MIPOL1: variants seen among roughly 807,000 people sequenced by gnomAD.
MIPOL1 encodes mirror-image polydactyly 1.
MIPOL1 carries 57 observed loss-of-function variants against 60.9 expected under a neutral mutation model. The ratio of observed to expected loss-of-function variants is 0.94; its 90% CI spans 0.76 to 1.17. MIPOL1 has a LOEUF of 1.17. MIPOL1 is among the 50% of genes most tolerant of loss of function. The pLI is 0.00. For synonymous variants in MIPOL1, 179 were observed against 168.8 expected (o/e 1.06, Z -0.47); for missense variants, 551 against 511.6 (o/e 1.08, Z -0.74).
At chr14:37,375,901 C>A (rs1385641743) in intron 10 of MIPOL1, among the ~76,000 whole-genome samples, 2 of 152,000 alleles carry the variant, frequency 1.3e-5, no homozygotes. Flanking sequence ...CACCATATCT[C>A]CATTTTTTTT....
intron 9 of MIPOL1, among the ~76,000 whole-genome samples, chr14:37,350,121 G>A (rs765488226): frequency 6.6e-5 from 10 of 152,102 alleles, no homozygotes; most frequent in Non-Finnish European, 1.2e-4. Flanking sequence ...GACTAAGCTG[G>A]AATGCCATGG....
In MIPOL1 at chr14:37,514,769, G is replaced by A. The variant is rs143352495; in HGVS notation, c.1262+14631G>A. 4.7e-3 allele frequency among the ~76,000 whole-genome samples: 718 copies of A among 152,148 alleles called. 5 individuals are homozygous for A. The highest frequency in any genetic ancestry group is 0.016 in the African/African-American group (680 of 41,518). Reference sequence around the variant, plus strand: ...CCCCAGCAGCTGGGATTACAGGCATGTGCTACCATGCCTGGCTAATTTTGT... The same window carrying A: ...CCCCAGCAGCTGGGATTACAGGCATATGCTACCATGCCTGGCTAATTTTGT... On this transcript the variant is annotated intron_variant, in intron 12 of 12. Coordinates refer to ENST00000684589, the MANE Select transcript of MIPOL1 (RefSeq NM_001388067.1).
intron 1 of MIPOL1, among the ~76,000 whole-genome samples, chr14:37,240,940 T>TACACACAC (rs10554089): frequency 6.2e-5 from 9 of 146,088 alleles, no homozygotes; most frequent in African/African-American, 1.7e-4. Flanking sequence ...CACACACACA[T>TACACACAC]ACACACACAC....
At chr14:37,499,172 C>T (rs906059246) in intron 11 of MIPOL1, among the ~76,000 whole-genome samples, 5 of 151,964 alleles carry the variant, frequency 3.3e-5, no homozygotes, top group African/African-American at 4.8e-5. Context: ...TTCAAAATAA[C>T]CTCAGGTGGT....
chr14:37,550,067 A>G lies in MIPOL1; in HGVS notation c.*3096A>G, dbSNP rs989881168. On this transcript the variant is annotated 3_prime_UTR_variant, in exon 13 of 13. Transcript: ENST00000684589. Reference sequence around the variant, plus strand: ...TATATGAGAATTTAAAATTTTATAAATAAGTTAGAAATTATTAATGTATTT... The same window carrying G: ...TATATGAGAATTTAAAATTTTATAAGTAAGTTAGAAATTATTAATGTATTT... 1 of 151,752 alleles carries G rather than the reference A, an allele frequency of 6.6e-6. No individual in the cohort carries two copies. The highest frequency in any genetic ancestry group is 6.6e-5 in the Admixed American group (1 of 15,256). 9.4% of individuals were successfully genotyped at this position (151,752 alleles called of 1,614,324 possible). A position where few individuals can be genotyped will look rare whatever the true frequency, so the allele number is the denominator to read the frequency against.
chr14:37,424,436 G>A (rs1347589324), intron 11 of MIPOL1, among the ~76,000 whole-genome samples: 1 of 152,084 alleles, frequency 6.6e-6, no homozygotes, highest in African/African-American at 2.4e-5. Context: ...GCCAAGGAGG[G>A]CCAACAATTG....
At chr14:37,466,209 T>G (rs1339855770) in intron 11 of MIPOL1, among the ~76,000 whole-genome samples, 1 of 152,158 alleles carries the variant, frequency 6.6e-6, no homozygotes, top group Non-Finnish European at 1.5e-5. Context: ...GTTGGGTTGT[T>G]TTATTCTTTT....
intron 3 of MIPOL1, among the ~76,000 whole-genome samples, chr14:37,262,399 G>T (rs1243432781): frequency 2.0e-5 from 3 of 151,830 alleles, no homozygotes; most frequent in African/African-American, 7.3e-5. Flanking sequence ...CATCAAATTT[G>T]CACTCCAATA....
At chr14:37,292,584 T>A (rs1330387869) in intron 7 of MIPOL1, among the ~76,000 whole-genome samples, 1 of 147,032 alleles carries the variant, frequency 6.8e-6, no homozygotes, top group South Asian at 2.2e-4. Flanking sequence ...GGGTTCAAGC[T>A]ATTCTCCTGC....
At chr14:37,287,680 C>G (rs563164065) in intron 7 of MIPOL1, among the ~76,000 whole-genome samples, 2 of 152,142 alleles carry the variant, frequency 1.3e-5, no homozygotes, top group African/African-American at 4.8e-5. Flanking sequence ...AATATTTTCT[C>G]TCAATAAGCT....
chr14:37,324,775 G>T (rs1006705233), intron 9 of MIPOL1, among the ~76,000 whole-genome samples: 1 of 152,016 alleles, frequency 6.6e-6, no homozygotes, highest in African/African-American at 2.4e-5. Context: ...TGAATATCCA[G>T]TTGTTTCAGC....
intron 10 of MIPOL1, among the ~76,000 whole-genome samples, chr14:37,402,660 A>G (rs1222238021): frequency 6.6e-6 from 1 of 152,326 alleles, no homozygotes; most frequent in African/African-American, 2.4e-5. Flanking sequence ...TTTAAATTTT[A>G]GAGGAATTGT....
At chr14:37,206,609 G>C (rs1367036485) in intron 1 of MIPOL1, among the ~76,000 whole-genome samples, 2 of 152,304 alleles carry the variant, frequency 1.3e-5, no homozygotes, top group East Asian at 3.9e-4. Context: ...CTGACAGCTT[G>C]CACCATGCTC....
chr14:37,333,285 G>T (rs1292017438), intron 9 of MIPOL1, among the ~76,000 whole-genome samples: 1 of 151,906 alleles, frequency 6.6e-6, no homozygotes, highest in African/African-American at 2.4e-5. Context: ...TGTGTTCATG[G>T]TATACCTTTT....
At chr14:37,485,760 A>G (rs1010173246) in intron 11 of MIPOL1, among the ~76,000 whole-genome samples, 1 of 151,808 alleles carries the variant, frequency 6.6e-6, no homozygotes, top group East Asian at 1.9e-4. Context: ...GATTGCAAAA[A>G]TTTTCTCCCA....
chr14:37,437,826 A>T (rs2094185854), intron 11 of MIPOL1, among the ~76,000 whole-genome samples: 1 of 152,180 alleles, frequency 6.6e-6, no homozygotes, highest in South Asian at 2.1e-4. Flanking sequence ...ACACTTAGGA[A>T]TGTAATGAAG....
intron 10 of MIPOL1, among the ~76,000 whole-genome samples, chr14:37,402,909 A>G (rs966757153): frequency 1.5e-4 from 23 of 152,184 alleles, no homozygotes; most frequent in Non-Finnish European, 2.9e-5. Context: ...TTGCTTCAGT[A>G]GTAGCCATGG....
chr14:37,433,844 C>T (rs1042301414), intron 11 of MIPOL1, among the ~76,000 whole-genome samples: 2 of 152,158 alleles, frequency 1.3e-5, no homozygotes, highest in Non-Finnish European at 2.9e-5. Flanking sequence ...GCATGAGCCA[C>T]CGCACCCGAC....
intron 10 of MIPOL1, among the ~76,000 whole-genome samples, chr14:37,404,220 TTTCTTTGTA>T (rs1237339616): frequency 2.0e-5 from 3 of 152,178 alleles, no homozygotes; most frequent in Non-Finnish European, 4.4e-5. Flanking sequence ...GTTTTGCTGA[TTTCTTTGTA>T]TACATGAAAT....
Sources: allele counts gnomAD v4.1 joint callset (sites outside exome capture counted in the v4.1 genomes callset), GRCh38; gene constraint gnomAD v4.1.1; transcripts MANE v1.5; gene names NCBI Gene and HGNC (gene_info 2026-07-23, HGNC 2026-07-21).